Variants in SYN2 observed in about 807,000 individuals in gnomAD.
SYN2 encodes the protein synapsin-2.
Under a neutral mutation model 50.9 loss-of-function variants are expected in SYN2, and 19 were observed. The observed-to-expected ratio is 0.37, with a 90% CI of 0.26 to 0.55. The LOEUF (loss-of-function observed/expected upper bound fraction) is 0.55, where lower values mean the gene tolerates loss of function less well. SYN2 is among the 20% of genes least tolerant of loss of function. SYN2 has a pLI of 0.81. For synonymous variants in SYN2, 255 were observed against 224.9 expected, an observed-to-expected ratio of 1.13 and a Z score of -1.20; for missense variants, 587 against 576.4, an observed-to-expected ratio of 1.02 and a Z score of -0.19.
intron 1 of SYN2, among the ~76,000 whole-genome samples, chr3:12,061,017 G>C (rs1695102710): frequency 6.6e-6 from 1 of 152,104 alleles, no homozygotes; most frequent in Admixed American, 6.5e-5. Context: ...AGAACAGATG[G>C]ATAATGTAAG....
chr3:12,023,064 G>C (rs1226368518), intron 1 of SYN2, among the ~76,000 whole-genome samples: 2 of 152,080 alleles, frequency 1.3e-5, no homozygotes, highest in African/African-American at 4.8e-5. Context: ...ACGAGAACTG[G>C]CAAGTAATCT....
intron 1 of SYN2, among the ~76,000 whole-genome samples, chr3:12,010,140 C>A (rs1042776142): frequency 6.6e-6 from 1 of 152,110 alleles, no homozygotes; most frequent in Non-Finnish European, 1.5e-5. Flanking sequence ...CTCTTGGAGA[C>A]CTAGTCGTCA....
intron 1 of SYN2, among the ~76,000 whole-genome samples, chr3:12,136,020 A>G (rs1388491012): frequency 6.6e-6 from 1 of 152,244 alleles, no homozygotes; most frequent in African/African-American, 2.4e-5. Context: ...TACATAATCT[A>G]GTGGTCTGAG....
chr3:12,090,652 T>C (rs1228505518), intron 1 of SYN2, among the ~76,000 whole-genome samples: 1 of 152,200 alleles, frequency 6.6e-6, no homozygotes, highest in Non-Finnish European at 1.5e-5. Flanking sequence ...GAACAGGAAG[T>C]CATCTGTAAT....
chr3:12,050,881 G>A (rs1404228386), intron 1 of SYN2, among the ~76,000 whole-genome samples: 4 of 150,912 alleles, frequency 2.7e-5, no homozygotes, highest in Non-Finnish European at 5.9e-5. Context: ...GACTACAGGC[G>A]CCCGCCACCG....
intron 4 of SYN2, among the ~76,000 whole-genome samples, chr3:12,148,193 C>T (rs1697196996): frequency 6.6e-6 from 1 of 152,194 alleles, no homozygotes; most frequent in African/African-American, 2.4e-5. Context: ...TGGGGAGAGC[C>T]TGTGGCTAGG....
At chr3:12,100,536 A>G (rs1195579863) in intron 1 of SYN2, among the ~76,000 whole-genome samples, 1 of 152,218 alleles carries the variant, frequency 6.6e-6, no homozygotes, top group Non-Finnish European at 1.5e-5. Flanking sequence ...TGAAGAACAT[A>G]TTAAATCTTA....
intron 5 of SYN2, among the ~76,000 whole-genome samples, chr3:12,153,910 C>G (rs1697377931): frequency 6.6e-6 from 1 of 152,210 alleles, no homozygotes; most frequent in South Asian, 2.1e-4. Context: ...AGTGGCATCT[C>G]TGGAGTCAGA....
intron 1 of SYN2, among the ~76,000 whole-genome samples, chr3:12,069,273 C>T (rs1444039973): frequency 1.3e-5 from 2 of 149,356 alleles, no homozygotes; most frequent in Non-Finnish European, 3.0e-5. Context: ...GACGGAGTCT[C>T]GCCCTTGCCC....
intron 12 of SYN2, among the ~76,000 whole-genome samples, 191 bp from the exon 13 acceptor site, chr3:12,190,299 C>G (rs965454281): frequency 6.6e-6 from 1 of 152,146 alleles, no homozygotes; most frequent in Non-Finnish European, 1.5e-5. Context: ...TCTAGTAGCA[C>G]CAAAGTTGAG....
At chr3:12,185,146 T>C (rs904729131) in intron 11 of SYN2, 20 of 985,844 alleles carry the variant, frequency 2.0e-5, no homozygotes, top group Non-Finnish European at 2.4e-5. Flanking sequence ...AATATATACA[T>C]ATATGCATAT....
At chr3:12,045,221 G>GT (rs957325840) in intron 1 of SYN2, among the ~76,000 whole-genome samples, 25 of 151,496 alleles carry the variant, frequency 1.7e-4, no homozygotes, top group Admixed American at 4.6e-4. Context: ...GTATTTTGGT[G>GT]TTTTTTTTTA....
intron 1 of SYN2, among the ~76,000 whole-genome samples, chr3:12,074,684 T>G (rs1695432753): frequency 1.3e-5 from 2 of 152,168 alleles, no homozygotes; most frequent in African/African-American, 4.8e-5. Context: ...TAATTCTGCC[T>G]TATGCAGACT....
chr3:12,071,911 T>A (rs1574923579), intron 1 of SYN2, among the ~76,000 whole-genome samples: 1 of 152,194 alleles, frequency 6.6e-6, no homozygotes, highest in Admixed American at 6.5e-5. Flanking sequence ...GAGTTGGAAG[T>A]GGTTTGTATT....
chr3:12,038,396 G>A (rs1694547074), intron 1 of SYN2, among the ~76,000 whole-genome samples: 1 of 151,778 alleles, frequency 6.6e-6, no homozygotes, highest in Non-Finnish European at 1.5e-5. Flanking sequence ...ACTTTTTTTT[G>A]GCTATACTTT....
At chr3:12,108,845 T>G (rs2125194126) in intron 1 of SYN2, among the ~76,000 whole-genome samples, 1 of 63,348 alleles carries the variant, frequency 1.6e-5, no homozygotes, top group African/African-American at 2.2e-4. Flanking sequence ...TAGGAGCCAG[T>G]TTTTTTTTTT....
intron 1 of SYN2, among the ~76,000 whole-genome samples, chr3:12,007,640 C>A (rs1390920384): frequency 6.6e-6 from 1 of 152,038 alleles, no homozygotes; most frequent in Non-Finnish European, 1.5e-5. Flanking sequence ...AGTGTAGACT[C>A]ATTAGAACTT....
At chr3:12,125,852 AAAAAACCCAC>A (rs1209437963) in intron 1 of SYN2, among the ~76,000 whole-genome samples, 5 of 151,770 alleles carry the variant, frequency 3.3e-5, no homozygotes, top group Non-Finnish European at 2.9e-5. Flanking sequence ...GAAAAAAAAA[AAAAAACCCAC>A]AAAACACACA....
chr3:12,157,485 G>A (rs1256536245), intron 5 of SYN2: 2 of 1,613,970 alleles, frequency 1.2e-6, no homozygotes, highest in African/African-American at 2.7e-5. Context: ...CCGAATCACT[G>A]CATAGGAAGA....
Sources: gnomAD v4.1 joint callset for allele counts (sites outside exome capture counted in the v4.1 genomes callset) on GRCh38, gnomAD v4.1.1 for gene constraint, MANE v1.5 for transcripts, NCBI Gene and HGNC (gene_info 2026-07-23, HGNC 2026-07-21) for gene names.